ZNF71: variants seen among roughly 807,000 people sequenced by gnomAD.
The protein encoded by ZNF71 is zinc finger protein 71.
In ZNF71, 3 loss-of-function variants were observed where a neutral mutation model predicts 6.7. The observed-to-expected ratio is 0.45, with a 90% confidence interval of 0.20 to 1.16. The LOEUF (loss-of-function observed/expected upper bound fraction) is 1.16. ZNF71 is among the 50% of genes most tolerant of loss of function. The pLI is 0.25. For missense variants in ZNF71, 688 were observed against 728.6 expected (o/e 0.94, Z 0.64); for synonymous variants, 343 against 311.1 (o/e 1.10, Z -1.08).
At position 56,623,695 on chromosome 19, in the gene ZNF71, G is replaced by A. The variant is rs2044884815; in HGVS notation, c.*938G>A. 6.0e-6 allele frequency: 1 copy of A among 167,112 alleles called. No homozygotes were observed. Among genetic ancestry groups the A allele is most frequent in the Non-Finnish European group, 1.5e-5 (1 of 68,144 alleles). The allele number at this position is 167,112 out of a possible 1,614,324, so 10.4% of individuals were successfully genotyped here. On this transcript the variant is annotated 3_prime_UTR_variant, in exon 4 of 4. Coordinates refer to ENST00000599599, the MANE Select transcript of ZNF71 (RefSeq NM_001370215.1). Reference sequence around the variant, plus strand: ...TAGACTGGGTAATTTATAAACAATAGAAATTTGTCACTCATGGTTCTGGAT... The same window carrying A: ...TAGACTGGGTAATTTATAAACAATAAAAATTTGTCACTCATGGTTCTGGAT...
intron 3 of ZNF71, among the ~76,000 whole-genome samples, chr19:56,615,277 A>G (rs2044781675): frequency 1.3e-5 from 2 of 152,188 alleles, no homozygotes; most frequent in Admixed American, 6.5e-5. Flanking sequence ...CTACATGTAT[A>G]TTTAACTTGT....
Position 56,622,986 on chromosome 19 carries a change from T to C in ZNF71, c.*229T>C. 1 of 607,524 alleles carries C rather than the reference T, an allele frequency of 1.6e-6. No homozygotes were observed. The highest frequency in any genetic ancestry group is 2.9e-6 in the Non-Finnish European group (1 of 344,590). The allele number at this position is 607,524 out of a possible 1,614,324, so 37.6% of individuals were successfully genotyped here. A position where few individuals can be genotyped will look rare whatever the true frequency, so the allele number is the denominator to read the frequency against. On this transcript the variant is annotated 3_prime_UTR_variant, in exon 4 of 4. Transcript: ENST00000599599. Reference sequence around the variant, plus strand: ...TGACGTATCTGGGGACACTTCAAGGTTCACTGTAGCTGAGCCATGGCCGCT... The same window carrying C: ...TGACGTATCTGGGGACACTTCAAGGCTCACTGTAGCTGAGCCATGGCCGCT...
rs1277267264 is a variant in ZNF71, at chr19:56,618,324, G to A, written c.161-2944G>A. Among the ~76,000 whole-genome samples the A allele has an allele frequency of 3.9e-5, 6 of 152,150 alleles. No individual in the cohort carries two copies. Among genetic ancestry groups the A allele is most frequent in the African/African-American group, 1.2e-4 (5 of 41,426 alleles). Reference sequence around the variant, plus strand: ...AGGATGGTCATAACTATCTACTACTGTATGTAACTCAAGTATGATTGTGAG... The same window carrying A: ...AGGATGGTCATAACTATCTACTACTATATGTAACTCAAGTATGATTGTGAG... On this transcript the variant is annotated intron_variant, in intron 3 of 3. Coordinates refer to ENST00000599599, the MANE Select transcript of ZNF71 (RefSeq NM_001370215.1). This position sits in a 1 kb window ranked among gnomAD's most constrained non-coding sequence, Gnocchi z 4.6.
chr19:56,620,505 C>G (rs945045369), intron 3 of ZNF71, among the ~76,000 whole-genome samples: 1 of 151,948 alleles, frequency 6.6e-6, no homozygotes, highest in South Asian at 2.1e-4. Context: ...TTTCTTTATT[C>G]TTTTTCTTCT....
chr19:56,603,663 C>T lies in ZNF71; in HGVS notation c.33+2072C>T, dbSNP rs1010056679. On this transcript the variant is annotated intron_variant, in intron 2 of 3. Transcript: ENST00000599599. The surrounding 1 kb of genome is among the most constrained non-coding windows in gnomAD (Gnocchi z 4.6). ...AGACTGTTTTCCTAAGCGATTGCACCATGATGCCTTCATTTTTGTCTCATC... is the reference window on the plus strand; with the variant it reads ...AGACTGTTTTCCTAAGCGATTGCACTATGATGCCTTCATTTTTGTCTCATC... Among the ~76,000 whole-genome samples, 1 of 152,168 alleles carries T rather than the reference C, an allele frequency of 6.6e-6. No homozygotes were observed. The highest frequency in any genetic ancestry group is 2.4e-5 in the African/African-American group (1 of 41,434).
Position 56,622,562 on chromosome 19 carries a change from C to T in ZNF71, c.1455C>T (p.Leu485=). Residue 485 remains leucine, a synonymous_variant, in exon 4 of 4, where the codon CTC becomes CTT. Transcript: ENST00000599599. ...CGKAFSQSAY[L]IEHQRIHTGE... is the part of the protein sequence containing the mutation. ...AGGCCTTCAGCCAGAGCGCCTACCT[C>T]ATCGAGCACCAGCGGATCCACACCG... The T allele has an allele frequency of 3.1e-6, 5 of 1,613,656 alleles. No individual in the cohort carries two copies. The highest frequency in any genetic ancestry group is 4.2e-6 in the Non-Finnish European group (5 of 1,179,770).
rs2044763729 is a variant in ZNF71, at chr19:56,613,052, T to C, written c.34-760T>C. 6.6e-6 allele frequency among the ~76,000 whole-genome samples: 1 copy of C among 152,196 alleles called. No individual in the cohort carries two copies. Among genetic ancestry groups the C allele is most frequent in the Non-Finnish European group, 1.5e-5 (1 of 68,036 alleles). ...ATGACTGGTGTTGCCTACCTCATCA[T>C]CACCATCCACACTGCTCCGCCAGGT... is the stretch of plus-strand genomic sequence containing the variant. On this transcript the variant is annotated intron_variant, in intron 2 of 3. Transcript: ENST00000599599. This position sits in a 1 kb window ranked among gnomAD's most constrained non-coding sequence, Gnocchi z 4.6.
chr19:56,622,436 G>C lies in ZNF71; in HGVS notation c.1329G>C (p.Glu443Asp), dbSNP rs777806329. ...QRIHTGEKPY[E>D]CYICKKHFTG... is the part of the protein sequence containing the mutation. The stretch of plus-strand genomic sequence containing the variant: ...TCCACACCGGCGAGAAGCCCTACGA[G>C]TGCTACATCTGCAAGAAGCACTTCA... The change falls in exon 4 of 4, where the codon GAG becomes GAC. Residue 443 changes from glutamate (E) to aspartate (D), a missense_variant. Glu to Asp is a conservative substitution (Grantham distance 45). Transcript: ENST00000599599. The C allele has an allele frequency of 1.9e-6, 3 of 1,611,590 alleles. No individual in the cohort carries two copies. The Admixed American group carries it at 5.0e-5, about 27-fold the overall frequency.
At chr19:56,620,555 A>C (rs1166505949) in intron 3 of ZNF71, among the ~76,000 whole-genome samples, 2 of 151,804 alleles carry the variant, frequency 1.3e-5, no homozygotes, top group East Asian at 3.9e-4. Context: ...TTTAAGAGAC[A>C]GGGTCTCACC....
intron 2 of ZNF71, among the ~76,000 whole-genome samples, chr19:56,605,445 C>G (rs1371590241): frequency 6.6e-6 from 1 of 152,208 alleles, no homozygotes; most frequent in African/African-American, 2.4e-5. Context: ...GCAGACTACT[C>G]TAGCCCAGCT....
chr19:56,612,674 C>T (rs7256673), intron 2 of ZNF71, among the ~76,000 whole-genome samples: 48,337 of 151,936 alleles, frequency 0.32, 9,690 homozygotes, highest in East Asian at 0.65. Flanking sequence ...ATATTGGGTA[C>T]AATGTACACT....
intron 3 of ZNF71, among the ~76,000 whole-genome samples, chr19:56,614,748 C>G (rs2044777606): frequency 6.6e-6 from 1 of 152,148 alleles, no homozygotes; most frequent in African/African-American, 2.4e-5. Context: ...TGTAATTAAC[C>G]ACGCATATAT....
At chr19:56,617,214 G>A (rs1016386721) in intron 3 of ZNF71, among the ~76,000 whole-genome samples, 2 of 150,064 alleles carry the variant, frequency 1.3e-5, no homozygotes, top group South Asian at 4.2e-4. Flanking sequence ...TGGTTAAAGC[G>A]ATTCTCCTGC....
rs369701185 is a variant in ZNF71, at chr19:56,622,785, G to C, written c.*28G>C. On this transcript the variant is annotated 3_prime_UTR_variant, in exon 4 of 4. Transcript: ENST00000599599. The stretch of plus-strand genomic sequence containing the variant: ...GCCTCTGTGCAGGGCTCTCACTGGC[G>C]GTGCCCAGGACGGACGCCAGATGGC... The C allele has an allele frequency of 3.2e-6, 5 of 1,567,730 alleles. No homozygotes were observed. The highest frequency in any genetic ancestry group is 2.7e-5 in the African/African-American group (2 of 74,010).
Sources: gnomAD v4.1 joint callset for allele counts (sites outside exome capture counted in the v4.1 genomes callset) on GRCh38, gnomAD v4.1.1 for gene constraint, Gnocchi (gnomAD v3.1) non-coding constraint, MANE v1.5 for transcripts, NCBI Gene and HGNC (gene_info 2026-07-23, HGNC 2026-07-21) for gene names.